The following AGPAT3 variants were observed in gnomAD, a reference collection of about 807,000 sequenced individuals.
The protein encoded by AGPAT3 is 1-acyl-sn-glycerol-3-phosphate acyltransferase gamma.
AGPAT3 carries 5 observed loss-of-function variants against 47.3 expected under a neutral mutation model. That is an observed-to-expected ratio of 0.11 (90% CI 0.06 to 0.22). The LOEUF is 0.22. Among genes scored for constraint, AGPAT3 ranks in the 10% least tolerant of loss-of-function variants. The probability of loss-of-function intolerance (pLI) is 1.00; values close to 1 mark genes in which losing one functional copy is unlikely to be tolerated. For synonymous variants in AGPAT3, 212 were observed against 208.3 expected, an observed-to-expected ratio of 1.02 and a Z score of -0.15; for missense variants, 315 against 493.0, an observed-to-expected ratio of 0.64 and a Z score of 3.42.
In AGPAT3 at chr21:43,968,051, A is replaced by G; in HGVS notation, c.284A>G (p.Asn95Ser). The part of the protein sequence containing the change: ...FGKEHAVIIL[N>S]HNFEIDFLCG... Reference sequence around the variant, plus strand: ...AAGGAGCACGCAGTCATCATCCTCAACCACAACTTCGAGATCGACTTCCTC... The same window carrying G: ...AAGGAGCACGCAGTCATCATCCTCAGCCACAACTTCGAGATCGACTTCCTC... Residue 95 changes from asparagine (N) to serine (S), a missense_variant, in exon 4 of 10, where the codon AAC becomes AGC. Physicochemically the swap from Asn to Ser is conservative, Grantham distance 46. Transcript: ENST00000291572. 6.2e-7 allele frequency: 1 copy of G among 1,613,496 alleles called. No homozygotes were observed. Among genetic ancestry groups the G allele is most frequent in the Non-Finnish European group, 8.5e-7 (1 of 1,179,848 alleles).
At chr21:43,958,205 C>T (rs1474966691) in intron 2 of AGPAT3, among the ~76,000 whole-genome samples, 1 of 152,032 alleles carries the variant, frequency 6.6e-6, no homozygotes, top group Non-Finnish European at 1.5e-5. Flanking sequence ...CTAGTCTTTT[C>T]GTTTTTTCTT....
chr21:43,912,722 T>G (rs2086653826), intron 2 of AGPAT3, among the ~76,000 whole-genome samples: 1 of 152,264 alleles, frequency 6.6e-6, no homozygotes, highest in African/African-American at 2.4e-5. Context: ...ATTGGTCTTC[T>G]ATAGTAAACC....
intron 2 of AGPAT3, among the ~76,000 whole-genome samples, chr21:43,924,224 A>C (rs1258671233): frequency 2.0e-5 from 3 of 148,732 alleles, no homozygotes; most frequent in African/African-American, 7.5e-5. Flanking sequence ...ACGGGGTTTC[A>C]CCGTGTTAGC....
chr21:43,977,562 A>G (rs996065091), intron 7 of AGPAT3, among the ~76,000 whole-genome samples: 11 of 152,370 alleles, frequency 7.2e-5, no homozygotes, highest in African/African-American at 2.6e-4. Flanking sequence ...GGAGAAGCTC[A>G]TTTAATGTTT....
intron 7 of AGPAT3, 88 bp from the exon 8 acceptor site, chr21:43,977,958 C>G (rs2089682920): frequency 4.7e-6 from 5 of 1,068,486 alleles, no homozygotes; most frequent in Non-Finnish European, 5.6e-6. Context: ...ATAGGCCACC[C>G]TGGCACACGA....
chr21:43,959,268 CAT>C (rs1217052235), intron 2 of AGPAT3, among the ~76,000 whole-genome samples: 2 of 95,810 alleles, frequency 2.1e-5, no homozygotes, highest in Non-Finnish European at 4.1e-5. Context: ...GTGTGTGTGG[CAT>C]GTGTGTGGCA....
At chr21:43,870,021 G>A (rs2085588609) in intron 1 of AGPAT3, among the ~76,000 whole-genome samples, 1 of 152,180 alleles carries the variant, frequency 6.6e-6, no homozygotes, top group Non-Finnish European at 1.5e-5. Context: ...AGTGACTTTT[G>A]ATAATCCACA....
Position 43,971,721 on chromosome 21 carries a change from G to A in AGPAT3, c.767+231G>A, listed in dbSNP as rs114254351. ...GGCCACGGAGAGGACATGGAGACAC[G>A]GGGGATGTGTGGGGAGACTCACCAT... is the stretch of plus-strand genomic sequence containing the variant. On this transcript the variant is annotated intron_variant, in intron 7 of 9. Coordinates refer to ENST00000291572, the MANE Select transcript of AGPAT3 (RefSeq NM_020132.5). Among the ~76,000 whole-genome samples the A allele has an allele frequency of 6.4e-3, 977 of 152,340 alleles. 12 individuals are homozygous for A. Among genetic ancestry groups the A allele is most frequent in the African/African-American group, 0.021 (881 of 41,576 alleles).
chr21:43,969,113 T>A lies in AGPAT3; in HGVS notation c.349-5T>A, dbSNP rs1454609378. On this transcript the variant is annotated splice_region_variant and splice_polypyrimidine_tract_variant and intron_variant, in intron 4 of 9. Coordinates refer to ENST00000291572, the MANE Select transcript of AGPAT3 (RefSeq NM_020132.5). ...GCCAGGTGCCCCTCCTTCTCCTCCC[T>A]CCAGAGCTCCAAGGTCCTCGCTAAG... The A allele has an allele frequency of 3.7e-6, 6 of 1,613,906 alleles. No individual in the cohort carries two copies. Among genetic ancestry groups the A allele is most frequent in the Non-Finnish European group, 5.1e-6 (6 of 1,179,948 alleles).
chr21:43,950,602 A>G (rs2146484532), intron 2 of AGPAT3: 1 of 152,354 alleles, frequency 6.6e-6, no homozygotes, highest in Non-Finnish European at 1.5e-5. Context: ...CGTGGGCCAC[A>G]GTCACCGCAT....
rs1394183876 is a variant in AGPAT3 at position 43,908,779 on chromosome 21, G to A, written c.-49+4760G>A. ...CCGTGCTGCGTCAGCGTGGTGGCCT[G>A]CCAGCTCCAGGCTGCAAAAGTCCCT... On this transcript the variant is annotated intron_variant, in intron 2 of 9. Transcript: ENST00000291572. The surrounding 1 kb of genome is among the most constrained non-coding windows in gnomAD (Gnocchi z 4.9). 6.6e-6 allele frequency among the ~76,000 whole-genome samples: 1 copy of A among 152,238 alleles called. No homozygotes were observed. The highest frequency in any genetic ancestry group is 2.4e-5 in the African/African-American group (1 of 41,464).
intron 3 of AGPAT3, chr21:43,966,742 A>G (rs1168543319): frequency 6.6e-6 from 1 of 152,130 alleles, no homozygotes; most frequent in Non-Finnish European, 1.5e-5. Context: ...TAACTGGTAT[A>G]AAAGAACCCC....
intron 2 of AGPAT3, chr21:43,925,053 G>C (rs1601322313): frequency 1.3e-5 from 2 of 152,226 alleles, no homozygotes; most frequent in South Asian, 4.1e-4. Context: ...TCTTTTGTGA[G>C]TGTGGGGCCT....
At chr21:43,980,464 G>C (rs868710238) in intron 8 of AGPAT3, among the ~76,000 whole-genome samples, 4 of 152,228 alleles carry the variant, frequency 2.6e-5, no homozygotes, top group African/African-American at 7.2e-5. Context: ...ACCTTCTGCA[G>C]GTGGCCCTGG....
At chr21:43,975,293 G>C (rs1449092975) in intron 7 of AGPAT3, among the ~76,000 whole-genome samples, 1 of 151,322 alleles carries the variant, frequency 6.6e-6, no homozygotes, top group Non-Finnish European at 1.5e-5. Context: ...GTATGTTTTG[G>C]TGTGTGCTGG....
At chr21:43,945,586 C>T (rs1320186621) in intron 2 of AGPAT3, among the ~76,000 whole-genome samples, 3 of 152,046 alleles carry the variant, frequency 2.0e-5, no homozygotes, top group East Asian at 1.9e-4. Context: ...GCCCTGTCCC[C>T]GCAGAGAGCC....
chr21:43,956,101 G>T (rs2088448026), intron 2 of AGPAT3, among the ~76,000 whole-genome samples: 1 of 152,132 alleles, frequency 6.6e-6, no homozygotes, highest in Non-Finnish European at 1.5e-5. Flanking sequence ...GGTCTCCTGG[G>T]GCTCTGCTGT....
Position 43,955,671 on chromosome 21 carries a change from C to T in AGPAT3, c.-48-3963C>T, listed in dbSNP as rs1427042359. Among the ~76,000 whole-genome samples, 8 of 152,048 alleles carry T rather than the reference C, an allele frequency of 5.3e-5. 1 individual carries two copies. The South Asian group carries it at 1.0e-3, about 20-fold the overall frequency. ...CTGTAATCCCAGCGCTTTGGGAGGTCGAGTTGGGCGGATTACCTGAGGTCA... is the reference window on the plus strand; with the variant it reads ...CTGTAATCCCAGCGCTTTGGGAGGTTGAGTTGGGCGGATTACCTGAGGTCA... On this transcript the variant is annotated intron_variant, in intron 2 of 9. Transcript: ENST00000291572. This position sits in a 1 kb window ranked among gnomAD's most constrained non-coding sequence, Gnocchi z 4.1.
At chr21:43,866,531 C>T (rs1034822695) in intron 1 of AGPAT3, 6 of 152,142 alleles carry the variant, frequency 3.9e-5, no homozygotes, top group East Asian at 3.8e-4. Flanking sequence ...AGGGGTCTCC[C>T]GAGGATGCTG....
Sources: allele counts gnomAD v4.1 joint callset (sites outside exome capture counted in the v4.1 genomes callset), GRCh38; gene constraint gnomAD v4.1.1; non-coding constraint Gnocchi (gnomAD v3.1); transcripts MANE v1.5; gene names NCBI Gene and HGNC (gene_info 2026-07-23, HGNC 2026-07-21).